The following PDE8A variants were observed in gnomAD, a reference collection of about 807,000 sequenced individuals.
The protein encoded by PDE8A is phosphodiesterase 8A.
Under a neutral mutation model 105.0 loss-of-function variants are expected in PDE8A, and 59 were observed. That is an observed-to-expected ratio of 0.56 (90% confidence interval 0.46 to 0.70). The LOEUF (loss-of-function observed/expected upper bound fraction) is 0.70. Ranked by LOEUF, PDE8A falls within the 30% of genes least tolerant of loss-of-function variation. The pLI is 0.00. For synonymous variants in PDE8A, 355 were observed against 371.9 expected (o/e 0.95, Z 0.52); for missense variants, 1,014 against 1,045.9 (o/e 0.97, Z 0.42).
At chr15:85,123,458 C>A (rs1466063335) in intron 19 of PDE8A, among the ~76,000 whole-genome samples, 1 of 151,744 alleles carries the variant, frequency 6.6e-6, no homozygotes, top group African/African-American at 2.4e-5. Context: ...AGCTGAGGAG[C>A]AAGGAGAGCC....
At chr15:85,106,883 T>G (rs557793180) in intron 11 of PDE8A, among the ~76,000 whole-genome samples, 1 of 152,270 alleles carries the variant, frequency 6.6e-6, no homozygotes, top group East Asian at 1.9e-4. Context: ...AACTTTGATT[T>G]GTGCACAGGA....
At chr15:85,043,424 C>T (rs2080840338) in intron 1 of PDE8A, among the ~76,000 whole-genome samples, 1 of 152,088 alleles carries the variant, frequency 6.6e-6, no homozygotes, top group Admixed American at 6.5e-5. Flanking sequence ...TTTTATACCT[C>T]AGATTGCCAC....
intron 1 of PDE8A, among the ~76,000 whole-genome samples, chr15:85,052,092 A>G (rs941185023): frequency 2.0e-5 from 3 of 151,700 alleles, no homozygotes; most frequent in Non-Finnish European, 2.9e-5. Context: ...CTGTCCTTGC[A>G]ATAGTTTGCT....
At chr15:85,126,975 A>G (rs1467759388) in intron 20 of PDE8A, among the ~76,000 whole-genome samples, 2 of 152,192 alleles carry the variant, frequency 1.3e-5, no homozygotes, top group Non-Finnish European at 2.9e-5. Flanking sequence ...TGGGAGGATC[A>G]CTTGAGCCCA....
intron 1 of PDE8A, among the ~76,000 whole-genome samples, chr15:85,044,358 G>C (rs556086444): frequency 0.05 from 2,158 of 42,974 alleles, 54 homozygotes; most frequent in Admixed American, 0.18. Context: ...AACAGGTAGG[G>C]GGAGGAAAGA....
intron 2 of PDE8A, 129 bp downstream of exon 2, chr15:85,064,555 C>T (rs1330844557): frequency 3.1e-6 from 2 of 641,054 alleles, no homozygotes; most frequent in Non-Finnish European, 5.5e-6. Context: ...GTTAAATTCC[C>T]TGAACTCTGT....
At chr15:84,981,680 T>C (rs1210778139), upstream of PDE8A, among the ~76,000 whole-genome samples, 3 of 151,194 alleles carry the variant, frequency 2.0e-5, no homozygotes, top group Admixed American at 1.3e-4. Context: ...AGGCGGAGTC[T>C]GGAGCCGGGG....
At position 85,119,673 on chromosome 15, in the gene PDE8A, G is replaced by A. The variant is rs2082151480; in HGVS notation, c.1735-1124G>A. Among the ~76,000 whole-genome samples, 3 of 151,780 alleles carry A rather than the reference G, an allele frequency of 2.0e-5. No individual in the cohort carries two copies. The South Asian group carries it at 6.2e-4, about 32-fold the overall frequency. The stretch of plus-strand genomic sequence containing the variant: ...ATGTGTTGAACTTCTAAACTTCATA[G>A]GCTATATTTTCTAACCACAACACAA... On this transcript the variant is annotated intron_variant, in intron 17 of 21. Transcript: ENST00000394553.
intron 1 of PDE8A, among the ~76,000 whole-genome samples, chr15:85,018,843 C>A (rs2080372287): frequency 6.6e-6 from 1 of 152,194 alleles, no homozygotes; most frequent in South Asian, 2.1e-4. Flanking sequence ...GGAATTGATA[C>A]ATCCACCTTT....
chr15:85,004,783 G>A (rs999711126), intron 1 of PDE8A, among the ~76,000 whole-genome samples: 2 of 150,616 alleles, frequency 1.3e-5, no homozygotes, highest in African/African-American at 2.4e-5. Context: ...CTGAATGGAT[G>A]TATCTTAGTT....
At chr15:84,981,526 A>C (rs984067826), upstream of PDE8A, among the ~76,000 whole-genome samples, 1 of 151,922 alleles carries the variant, frequency 6.6e-6, no homozygotes, top group Non-Finnish European at 1.5e-5. Flanking sequence ...GGCCGCTCCG[A>C]GGGGTTTCCC....
chr15:85,114,838 T>C (rs1279704789), intron 14 of PDE8A, among the ~76,000 whole-genome samples: 1 of 151,612 alleles, frequency 6.6e-6, no homozygotes, highest in African/African-American at 2.4e-5. Context: ...TGATGAGGGA[T>C]GGGGGTAGGA....
At chr15:85,029,215 T>C (rs569168810) in intron 1 of PDE8A, among the ~76,000 whole-genome samples, 1 of 152,314 alleles carries the variant, frequency 6.6e-6, no homozygotes, top group South Asian at 2.1e-4. Context: ...GTCAATATTC[T>C]TATGTTAACC....
At chr15:85,089,907 G>C (rs1217477842) in intron 7 of PDE8A, among the ~76,000 whole-genome samples, 1 of 152,208 alleles carries the variant, frequency 6.6e-6, no homozygotes, top group Non-Finnish European at 1.5e-5. Context: ...TTAGCAAAGT[G>C]GGTTTATATG....
chr15:85,066,307 TCCCAGCACTTTGGGAGG>T (rs1042547551), intron 2 of PDE8A, among the ~76,000 whole-genome samples: 37 of 152,204 alleles, frequency 2.4e-4, no homozygotes, highest in African/African-American at 8.9e-4. Context: ...ACACCTGCAA[TCCCAGCACTTTGGGAGG>T]CCACAGCAGG....
intron 11 of PDE8A, among the ~76,000 whole-genome samples, chr15:85,103,793 G>A (rs900371241): frequency 6.6e-6 from 1 of 152,172 alleles, no homozygotes; most frequent in African/African-American, 2.4e-5. Context: ...TCTGGTTATA[G>A]GGTGTTGCTG....
intron 6 of PDE8A, among the ~76,000 whole-genome samples, chr15:85,085,311 G>C (rs1362535052): frequency 6.6e-6 from 1 of 152,168 alleles, no homozygotes; most frequent in African/African-American, 2.4e-5. Context: ...TAGAGAATTG[G>C]GAGAAATAGA....
chr15:85,059,671 C>A (rs948486499), intron 1 of PDE8A, among the ~76,000 whole-genome samples: 1 of 152,078 alleles, frequency 6.6e-6, no homozygotes, highest in Non-Finnish European at 1.5e-5. Context: ...ATTAGAGTAT[C>A]TTTTTCCATC....
chr15:85,104,667 T>C (rs1484310176), intron 11 of PDE8A, among the ~76,000 whole-genome samples: 4 of 152,028 alleles, frequency 2.6e-5, no homozygotes, highest in Non-Finnish European at 5.9e-5. Flanking sequence ...TAACATTAGT[T>C]AAAATAACAA....
Sources: allele counts gnomAD v4.1 joint callset (sites outside exome capture counted in the v4.1 genomes callset), GRCh38; gene constraint gnomAD v4.1.1; transcripts MANE v1.5; gene names NCBI Gene and HGNC (gene_info 2026-07-23, HGNC 2026-07-21).